Variants in MKNK2 observed in about 807,000 individuals in gnomAD.
MKNK2 encodes the protein MAP kinase-interacting serine/threonine-protein kinase 2.
Under a neutral mutation model 55.0 loss-of-function variants are expected in MKNK2, and 54 were observed. The observed-to-expected ratio is 0.98, with a 90% confidence interval of 0.79 to 1.23. The LOEUF (loss-of-function observed/expected upper bound fraction) is 1.23, where lower values mean the gene tolerates loss of function less well. Among genes scored for constraint, MKNK2 ranks in the 50% most tolerant of loss-of-function variants. The pLI is 0.00. For synonymous variants in MKNK2, 323 were observed against 256.0 expected, an observed-to-expected ratio of 1.26 and a Z score of -2.50; for missense variants, 685 against 632.1, an observed-to-expected ratio of 1.08 and a Z score of -0.90.
Position 2,050,885 on chromosome 19 carries a change from C to T in MKNK2, c.-34G>A. On this transcript the variant is annotated 5_prime_UTR_variant, in exon 2 of 14. Transcript: ENST00000250896. ...CGGGCCCCGCCAGCGGGGGAGGGGA[C>T]CGAGGGCCCGGGGGGAGGCCCGAGG... The T allele has an allele frequency of 6.7e-7, 1 of 1,498,500 alleles. No individual in the cohort carries two copies. Among genetic ancestry groups the T allele is most frequent in the Middle Eastern group, 1.8e-4 (1 of 5,554 alleles). The allele number at this position is 1,498,500 out of a possible 1,614,324, so 92.8% of individuals were successfully genotyped here.
At position 2,046,236 on chromosome 19, in the gene MKNK2, G is replaced by C. The variant is rs1424748326; in HGVS notation, c.289C>G (p.Arg97Gly). ...ATCAGGTTGATGCAGGTCTGCACTC[G>C]GGCATGAGCGCCCTCCCCCAGCACA... ...EDVLGEGAHA[R>G]VQTCINLITS... The change falls in exon 5 of 14, where the codon CGA (arginine) becomes GGA (glycine). Residue 97 changes from arginine to glycine, a missense_variant. Coordinates refer to ENST00000250896, the MANE Select transcript of MKNK2 (RefSeq NM_199054.3). 1 of 1,606,910 alleles carries C rather than the reference G, an allele frequency of 6.2e-7. No homozygotes were observed. The highest frequency in any genetic ancestry group is 8.5e-7 in the Non-Finnish European group (1 of 1,179,944).
At position 2,039,672 on chromosome 19, in the gene MKNK2, G is replaced by A. The variant is rs749528082; in HGVS notation, c.1339C>T (p.Arg447Trp). The change falls in exon 14 of 14, where the codon CGG becomes TGG. Residue 447 changes from arginine (R) to tryptophan (W), a missense_variant. Arg to Trp is a moderately radical substitution (Grantham distance 101). Coordinates refer to ENST00000250896, the MANE Select transcript of MKNK2 (RefSeq NM_199054.3). ...SPPSQSKLAQ[R>W]RQRASLSSAP... ...GAGGACAGACTGGCCCTTTGCCGCC[G>A]CTGCGCCAGCTTGGACTGGGAGGGT... The A allele has an allele frequency of 1.9e-5, 30 of 1,613,018 alleles. No homozygotes were observed. Among genetic ancestry groups the A allele is most frequent in the African/African-American group, 4.0e-5 (3 of 74,952 alleles).
rs747371935 is a variant in MKNK2 at position 2,039,829 on chromosome 19, G to C, written c.1182C>G (p.Ser394=). The C allele has an allele frequency of 1.9e-6, 3 of 1,600,482 alleles. No individual in the cohort carries two copies. The East Asian group carries it at 6.7e-5, about 36-fold the overall frequency. ...TCATGGCAATGGCCTCAGCCGCGAA[G>C]GACGTGAGGTCTTTGGCACAGCTGT... ...QRNSCAKDLT[S]FAAEAIAMNR... is the part of the protein sequence containing the mutation. The change falls in exon 14 of 14, where the codon TCC becomes TCG. Residue 394 remains serine (S), a synonymous_variant. Transcript: ENST00000250896.
chr19:2,039,322 C>G lies in MKNK2; in HGVS notation c.*291G>C. 1.5e-6 allele frequency: 2 copies of G among 1,296,966 alleles called. No homozygotes were observed. The highest frequency in any genetic ancestry group is 2.0e-6 in the Non-Finnish European group (2 of 1,019,392). The allele number at this position is 1,296,966 out of a possible 1,614,324, so 80.3% of individuals were successfully genotyped here. A position where few individuals can be genotyped will look rare whatever the true frequency, so the allele number is the denominator to read the frequency against. ...ACCTTCATAGTAGAGGTGAGCAGGGCGGGGGACCGGGGAGGGGACAAGCCC... is the reference window on the plus strand; with the variant it reads ...ACCTTCATAGTAGAGGTGAGCAGGGGGGGGGACCGGGGAGGGGACAAGCCC... On this transcript the variant is annotated 3_prime_UTR_variant, in exon 14 of 14. Coordinates refer to ENST00000250896, the MANE Select transcript of MKNK2 (RefSeq NM_199054.3).
intron 12 of MKNK2, chr19:2,040,628 T>A: frequency 3.6e-6 from 1 of 279,156 alleles, no homozygotes; most frequent in Non-Finnish European, 6.9e-6. Flanking sequence ...TCAGCTCAGA[T>A]GACCTCTGGC....
At position 2,046,279 on chromosome 19, in the gene MKNK2, G is replaced by A; in HGVS notation, c.246C>T (p.Val82=). Residue 82 remains valine, a synonymous_variant, in exon 5 of 14, where the codon GTC becomes GTT. Coordinates refer to ENST00000250896, the MANE Select transcript of MKNK2 (RefSeq NM_199054.3). ...TDSFSGRFED[V]YQLQEDVLGE... ...CCAGCACATCTTCCTGCAGCTGGTA[G>A]ACGTCTGCCGGGCAGCGGGGCGGGC... is the stretch of plus-strand genomic sequence containing the variant. The A allele has an allele frequency of 6.2e-7, 1 of 1,604,272 alleles. No homozygotes were observed. Among genetic ancestry groups the A allele is most frequent in the Non-Finnish European group, 8.5e-7 (1 of 1,179,876 alleles).
chr19:2,040,647 C>T (rs915184089), intron 12 of MKNK2: 3 of 292,760 alleles, frequency 1.0e-5, no homozygotes, highest in Admixed American at 4.7e-5. Context: ...GCAGGAGAAA[C>T]ACCCGACTCC....
chr19:2,046,396 G>A lies in MKNK2; in HGVS notation c.212C>T (p.Ala71Val), dbSNP rs2016998486. 4 of 1,608,644 alleles carry A rather than the reference G, an allele frequency of 2.5e-6. No homozygotes were observed. The highest frequency in any genetic ancestry group is 3.4e-6 in the Non-Finnish European group (4 of 1,179,824). ...AAACCTGCCCGAGAAGCTGTCGGTG[G>A]CCCGGCCGCGCTTCTTCTTCTTGCC... ...KRGKKKKRGR[A>V]TDSFSGRFED... Residue 71 changes from alanine (A) to valine (V), a missense_variant, in exon 4 of 14, where the codon GCC becomes GTC. Ala to Val is a moderately conservative substitution (Grantham distance 64, BLOSUM62 0). Coordinates refer to ENST00000250896, the MANE Select transcript of MKNK2 (RefSeq NM_199054.3).
In MKNK2 at chr19:2,039,376, G is replaced by A. The variant is rs1342928651; in HGVS notation, c.*237C>T. 7.9e-6 allele frequency: 11 copies of A among 1,385,142 alleles called. No individual in the cohort carries two copies. The highest frequency in any genetic ancestry group is 4.7e-6 in the Non-Finnish European group (5 of 1,070,816). The allele number at this position is 1,385,142 out of a possible 1,614,324, so 85.8% of individuals were successfully genotyped here. On this transcript the variant is annotated 3_prime_UTR_variant, in exon 14 of 14. Transcript: ENST00000250896. ...CACCTACCCTCTGCTCACCTTCCCG[G>A]GTGCCTGCAATGCTTTTAACCATCC...
At position 2,039,772 on chromosome 19, in the gene MKNK2, C is replaced by A. The variant is rs2016835194; in HGVS notation, c.1239G>T (p.Leu413=). Residue 413 remains leucine, a synonymous_variant, in exon 14 of 14, where the codon CTG becomes CTT. Transcript: ENST00000250896. ...CCTGCCCCGCGGCCTCCTCCTCAGC[C>A]AGGTCCTCGTCGTGCTGGGCCAGCT... ...NRQLAQHDED[L]AEEEAAGQGQ... The A allele has an allele frequency of 6.2e-7, 1 of 1,608,406 alleles. No individual in the cohort carries two copies. The highest frequency in any genetic ancestry group is 8.5e-7 in the Non-Finnish European group (1 of 1,179,710).
At chr19:2,050,433 A>T (rs2145698063) in intron 2 of MKNK2, among the ~76,000 whole-genome samples, 1 of 152,198 alleles carries the variant, frequency 6.6e-6, no homozygotes, top group South Asian at 2.1e-4. Flanking sequence ...CACCCCCCAT[A>T]AGCCACATGC....
rs2016792872 is a variant in MKNK2, at chr19:2,038,131, A to G, written c.*1482T>C. On this transcript the variant is annotated 3_prime_UTR_variant, in exon 14 of 14. Coordinates refer to ENST00000250896, the MANE Select transcript of MKNK2 (RefSeq NM_199054.3). ...ACGGCCACCGGACTGTGACCATCAT[A>G]CGAGATTCAGGAGGGGCAGCAGGGC... is the stretch of plus-strand genomic sequence containing the variant. 9.4e-6 allele frequency: 10 copies of G among 1,066,832 alleles called. No homozygotes were observed. The highest frequency in any genetic ancestry group is 1.1e-5 in the Non-Finnish European group (10 of 883,276). The allele number at this position is 1,066,832 out of a possible 1,614,324, so 66.1% of individuals were successfully genotyped here.
chr19:2,041,770 T>G, intron 11 of MKNK2, 70 bp downstream of exon 11: 31 of 1,276,464 alleles, frequency 2.4e-5, no homozygotes, highest in Non-Finnish European at 2.9e-5. Flanking sequence ...TCCCCTGGGG[T>G]TAGGGGGTGT....
chr19:2,045,173 A>C (rs2016971050), intron 5 of MKNK2, among the ~76,000 whole-genome samples: 1 of 152,086 alleles, frequency 6.6e-6, no homozygotes, highest in Non-Finnish European at 1.5e-5. Context: ...CACTGACCAC[A>C]CCAGGTCAAT....
intron 2 of MKNK2, among the ~76,000 whole-genome samples, chr19:2,048,802 G>C (rs898745800): frequency 6.6e-6 from 1 of 151,998 alleles, no homozygotes; most frequent in Admixed American, 6.5e-5. Flanking sequence ...AGGAAGGGGG[G>C]GGCTCCAACT....
At chr19:2,046,923 C>T (rs1230214447) in intron 2 of MKNK2, among the ~76,000 whole-genome samples, 1 of 152,226 alleles carries the variant, frequency 6.6e-6, no homozygotes, top group Non-Finnish European at 1.5e-5. Flanking sequence ...GATTCACCTC[C>T]TCGCTGCCCC....
At position 2,039,756 on chromosome 19, in the gene MKNK2, C is replaced by T. The variant is rs571058431; in HGVS notation, c.1255G>A (p.Ala419Thr). 6.0e-5 allele frequency: 96 copies of T among 1,609,496 alleles called. No individual in the cohort carries two copies. The highest frequency in any genetic ancestry group is 4.2e-4 in the East Asian group (19 of 44,856). ...HDEDLAEEEA[A>T]GQGQPVLVRA... ...ACCAGGACGGGCTGGCCCTGCCCCG[C>T]GGCCTCCTCCTCAGCCAGGTCCTCG... is the stretch of plus-strand genomic sequence containing the variant. The change falls in exon 14 of 14, where the codon GCG becomes ACG. Residue 419 changes from alanine to threonine, a missense_variant. Coordinates refer to ENST00000250896, the MANE Select transcript of MKNK2 (RefSeq NM_199054.3).
Position 2,037,922 on chromosome 19 carries a change from G to C in MKNK2, c.*1691C>G. ...CTATGGGCGCCTGCAGCGGGCGGGG[G>C]TCCATTTGCTTGTTCTTTGATACAA... On this transcript the variant is annotated 3_prime_UTR_variant, in exon 14 of 14. Transcript: ENST00000250896. 2.2e-6 allele frequency: 3 copies of C among 1,394,388 alleles called. No individual in the cohort carries two copies. The highest frequency in any genetic ancestry group is 1.6e-5 in the South Asian group (1 of 61,472). The allele number at this position is 1,394,388 out of a possible 1,614,324, so 86.4% of individuals were successfully genotyped here.
At position 2,039,483 on chromosome 19, in the gene MKNK2, G is replaced by C; in HGVS notation, c.*130C>G. 3 of 1,427,692 alleles carry C rather than the reference G, an allele frequency of 2.1e-6. No individual in the cohort carries two copies. Among genetic ancestry groups the C allele is most frequent in the South Asian group, 3.0e-5 (2 of 66,530 alleles). 88.4% of individuals were successfully genotyped at this position (1,427,692 alleles called of 1,614,324 possible). On this transcript the variant is annotated 3_prime_UTR_variant, in exon 14 of 14. Transcript: ENST00000250896. Reference sequence around the variant, plus strand: ...AACCTTCTATAAAACACCCCCCTCAGCTGAGCTTAGTGCCTGGGAATCCAG... The same window carrying C: ...AACCTTCTATAAAACACCCCCCTCACCTGAGCTTAGTGCCTGGGAATCCAG...
Sources: gnomAD v4.1 joint callset for allele counts (sites outside exome capture counted in the v4.1 genomes callset) on GRCh38, gnomAD v4.1.1 for gene constraint, MANE v1.5 for transcripts, NCBI Gene and HGNC (gene_info 2026-07-23, HGNC 2026-07-21) for gene names.